ZDHHC21: variants seen among roughly 807,000 people sequenced by gnomAD.
The protein encoded by ZDHHC21 is palmitoyltransferase ZDHHC21.
ZDHHC21 carries 15 observed loss-of-function variants against 34.6 expected under a neutral mutation model. That is an observed-to-expected ratio of 0.43 (90% CI 0.29 to 0.67). The LOEUF (loss-of-function observed/expected upper bound fraction) is 0.67, where lower values mean the gene tolerates loss of function less well. ZDHHC21 is among the 30% of genes least tolerant of loss of function. ZDHHC21 has a pLI of 0.14. For synonymous variants in ZDHHC21, 142 were observed against 101.8 expected (o/e 1.40, Z -2.38); for missense variants, 344 against 327.7 (o/e 1.05, Z -0.38).
chr9:14,684,283 G>A (rs1353839543), intron 2 of ZDHHC21, among the ~76,000 whole-genome samples: 3 of 151,842 alleles, frequency 2.0e-5, no homozygotes, highest in South Asian at 2.1e-4. Context: ...CAGATGACAT[G>A]ATTGTGTATT....
the ZDHHC21 span, among the ~76,000 whole-genome samples, chr9:14,605,431 A>T: frequency 2.0e-5 from 3 of 152,152 alleles, no homozygotes; most frequent in South Asian, 6.2e-4. Context: ...GCATCTCTCT[A>T]TTAGTGATGT....
intron 7 of ZDHHC21, among the ~76,000 whole-genome samples, chr9:14,655,931 T>C (rs1288721241): frequency 6.6e-6 from 1 of 151,760 alleles, no homozygotes; most frequent in African/African-American, 2.4e-5. Flanking sequence ...AGGTTGAAAG[T>C]ATTAAAGACA....
rs999252694 is a variant in ZDHHC21, at chr9:14,658,670, A to G, written c.504+79T>C. ...GTATTTTTAGTAGAGACGGGGTTTC[A>G]CCGTGTTAGCCAGGATGGTCTCGAT... is the stretch of plus-strand genomic sequence containing the variant. On this transcript the variant is annotated intron_variant, in intron 7 of 9. Transcript: ENST00000380916. 12 of 1,185,326 alleles carry G rather than the reference A, an allele frequency of 1.0e-5. No individual in the cohort carries two copies. In the African/African-American group the frequency reaches 1.6e-4, roughly 15 times the overall value. 73.4% of individuals were successfully genotyped at this position (1,185,326 alleles called of 1,614,324 possible).
At chr9:14,626,800 A>G (rs1826313224) in intron 8 of ZDHHC21, among the ~76,000 whole-genome samples, 3 of 152,212 alleles carry the variant, frequency 2.0e-5, no homozygotes, top group South Asian at 2.1e-4. Context: ...CATTAAAAGC[A>G]TATTTAAAAA....
intron 7 of ZDHHC21, among the ~76,000 whole-genome samples, chr9:14,649,143 G>GT (rs1484416142): frequency 3.3e-5 from 5 of 151,922 alleles, no homozygotes; most frequent in Non-Finnish European, 7.4e-5. Context: ...ATTACCAAAT[G>GT]TTTTCTGTGG....
chr9:14,618,588 T>C lies in ZDHHC21; in HGVS notation c.*378A>G, dbSNP rs976785851. 1 of 158,482 alleles carries C rather than the reference T, an allele frequency of 6.3e-6. No homozygotes were observed. The highest frequency in any genetic ancestry group is 1.4e-5 in the Non-Finnish European group (1 of 72,262). 9.8% of individuals were successfully genotyped at this position (158,482 alleles called of 1,614,324 possible). A position where few individuals can be genotyped will look rare whatever the true frequency, so the allele number is the denominator to read the frequency against. Reference sequence around the variant, plus strand: ...TAATTAAATTTAGATTTGGTTACTGTTTAAAAGTGAAAATTTTAAATAAAC... The same window carrying C: ...TAATTAAATTTAGATTTGGTTACTGCTTAAAAGTGAAAATTTTAAATAAAC... On this transcript the variant is annotated 3_prime_UTR_variant, in exon 10 of 10. Coordinates refer to ENST00000380916, the MANE Select transcript of ZDHHC21 (RefSeq NM_178566.6).
intron 5 of ZDHHC21, among the ~76,000 whole-genome samples, chr9:14,669,851 T>C (rs1315020671): frequency 1.1e-5 from 1 of 92,008 alleles, no homozygotes; most frequent in East Asian, 3.5e-4. Flanking sequence ...CTAGGGACTG[T>C]GGTGGGGTGG....
intron 8 of ZDHHC21, among the ~76,000 whole-genome samples, chr9:14,629,605 C>A (rs1000290195): frequency 6.6e-6 from 1 of 152,092 alleles, no homozygotes; most frequent in Non-Finnish European, 1.5e-5. Flanking sequence ...TACATACCTA[C>A]CTTAAATTAA....
At chr9:14,656,689 G>T (rs1832281076) in intron 7 of ZDHHC21, among the ~76,000 whole-genome samples, 1 of 151,822 alleles carries the variant, frequency 6.6e-6, no homozygotes, top group African/African-American at 2.4e-5. Flanking sequence ...ACAAGTAACT[G>T]TCAGATCCCT....
intron 5 of ZDHHC21, 101 bp downstream of exon 5, chr9:14,672,729 T>C (rs2131520444): frequency 4.0e-6 from 3 of 749,150 alleles, no homozygotes; most frequent in East Asian, 5.3e-5. Context: ...AAAGTGGTGT[T>C]AGATGACATT....
chr9:14,599,176 G>A, the ZDHHC21 span, among the ~76,000 whole-genome samples: 2 of 152,218 alleles, frequency 1.3e-5, no homozygotes, highest in African/African-American at 4.8e-5. Context: ...AATAGGAACA[G>A]CTTTGGTCTG....
intron 8 of ZDHHC21, among the ~76,000 whole-genome samples, chr9:14,620,261 C>T (rs1223988795): frequency 6.6e-6 from 1 of 151,812 alleles, no homozygotes; most frequent in Non-Finnish European, 1.5e-5. Flanking sequence ...TAATTGTATG[C>T]TTTCTGTAAG....
At chr9:14,692,431 C>A (rs894886008) in intron 1 of ZDHHC21, among the ~76,000 whole-genome samples, 2 of 152,074 alleles carry the variant, frequency 1.3e-5, no homozygotes, top group Non-Finnish European at 2.9e-5. Context: ...TATGACCCGC[C>A]CACAATGACC....
the ZDHHC21 span, among the ~76,000 whole-genome samples, chr9:14,598,733 T>C: frequency 6.6e-6 from 1 of 152,086 alleles, no homozygotes; most frequent in Non-Finnish European, 1.5e-5. Flanking sequence ...AATATATTTT[T>C]TATTATTTAT....
intron 7 of ZDHHC21, among the ~76,000 whole-genome samples, chr9:14,644,834 A>ACT (rs1192004242): frequency 2.8e-5 from 4 of 141,430 alleles, no homozygotes; most frequent in African/African-American, 1.0e-4. Flanking sequence ...ACACACACAC[A>ACT]CACATATATA....
rs552257665 is a variant in ZDHHC21, at chr9:14,665,945, G to A, written c.254-3619C>T. On this transcript the variant is annotated intron_variant, in intron 5 of 9. Coordinates refer to ENST00000380916, the MANE Select transcript of ZDHHC21 (RefSeq NM_178566.6). ...CTAGGAAGAAACTGCATCAACTAACGAGCAAAATCACCAGCTATCATCATA... is the reference window on the plus strand; with the variant it reads ...CTAGGAAGAAACTGCATCAACTAACAAGCAAAATCACCAGCTATCATCATA... Among the ~76,000 whole-genome samples the A allele has an allele frequency of 9.6e-3, 1,429 of 148,646 alleles. 12 individuals are homozygous for A. The highest frequency in any genetic ancestry group is 0.046 in the Middle Eastern group (13 of 284).
intron 3 of ZDHHC21, among the ~76,000 whole-genome samples, chr9:14,675,090 C>A (rs1836136209): frequency 6.6e-6 from 1 of 151,924 alleles, no homozygotes; most frequent in Admixed American, 6.6e-5. Flanking sequence ...TGAAGCCCAA[C>A]AAATCTCATT....
chr9:14,690,017 C>A (rs778620276), intron 2 of ZDHHC21, among the ~76,000 whole-genome samples: 28 of 152,166 alleles, frequency 1.8e-4, no homozygotes, highest in East Asian at 3.9e-4. Context: ...GGAAAAGGGA[C>A]TGAAAAGGCA....
chr9:14,644,803 C>T (rs13301587), intron 7 of ZDHHC21, among the ~76,000 whole-genome samples: 4 of 108,264 alleles, frequency 3.7e-5, no homozygotes, highest in African/African-American at 6.6e-5. Context: ...TATATATATA[C>T]ACACATACAT....
Sources: gnomAD v4.1 joint callset for allele counts (sites outside exome capture counted in the v4.1 genomes callset) on GRCh38, gnomAD v4.1.1 for gene constraint, MANE v1.5 for transcripts, NCBI Gene and HGNC (gene_info 2026-07-23, HGNC 2026-07-21) for gene names.